POM121: variants seen among roughly 807,000 people sequenced by gnomAD.
POM121 encodes the protein POM121 transmembrane nucleoporin, also known as nuclear envelope pore membrane protein POM 121.
Under a neutral mutation model 81.3 loss-of-function variants are expected in POM121, and 32 were observed. The ratio of observed to expected loss-of-function variants is 0.39; its 90% confidence interval spans 0.30 to 0.53. The LOEUF is 0.53. Among genes scored for constraint, POM121 ranks in the 20% least tolerant of loss-of-function variants. The pLI is 0.66. For missense variants in POM121, 1,138 were observed against 1,614.6 expected (o/e 0.70, Z 5.06); for synonymous variants, 514 against 694.2 (o/e 0.74, Z 4.08).
intron 3 of POM121, among the ~76,000 whole-genome samples, chr7:72,902,559 C>T (rs1184036524): frequency 3.5e-5 from 5 of 140,870 alleles, no homozygotes; most frequent in Non-Finnish European, 7.7e-5. Context: ...GACAGGGTCT[C>T]ACTCTGTCAC....
Position 72,925,196 on chromosome 7 carries a change from C to A in POM121, c.75C>A (p.Gly25=). The A allele has an allele frequency of 6.6e-7, 1 of 1,521,122 alleles. No individual in the cohort carries two copies. Among genetic ancestry groups the A allele is most frequent in the Non-Finnish European group, 8.8e-7 (1 of 1,141,224 alleles). 94.2% of individuals were successfully genotyped at this position (1,521,122 alleles called of 1,614,324 possible). Residue 25 remains glycine (G), a synonymous_variant, in exon 1 of 13, where the codon GGC becomes GGA. Transcript: ENST00000434423. The stretch of plus-strand genomic sequence containing the variant: ...TAGCGAGTGTCAGGGACGGCCGGGG[C>A]CGGGGCTGCGGCGGGCCGGCCAGGG... ...RPIASVRDGR[G]RGCGGPARAV...
intron 3 of POM121, among the ~76,000 whole-genome samples, chr7:72,907,903 C>CTT (rs77470264): frequency 2.0e-5 from 3 of 152,092 alleles, no homozygotes; most frequent in Non-Finnish European, 4.4e-5. Context: ...TCCCATTGTT[C>CTT]TTTTTTTGTG....
intron 3 of POM121, among the ~76,000 whole-genome samples, chr7:72,905,554 A>G (rs151234071): frequency 2.5e-3 from 378 of 152,284 alleles, no homozygotes; most frequent in African/African-American, 8.5e-3. Context: ...AAAAAAATTC[A>G]CCAGGCATGG....
At chr7:72,927,765 A>G (rs1291129859) in intron 3 of POM121, among the ~76,000 whole-genome samples, 4 of 152,186 alleles carry the variant, frequency 2.6e-5, no homozygotes, top group Admixed American at 2.6e-4. Flanking sequence ...GAATAAATAA[A>G]TAGTTTTCTA....
intron 6 of POM121, among the ~76,000 whole-genome samples, 175 bp from the exon 7 acceptor site, chr7:72,939,161 C>T (rs1193427932): frequency 6.6e-6 from 1 of 152,184 alleles, no homozygotes; most frequent in African/African-American, 2.4e-5. Context: ...CTGTGAACAG[C>T]CTCCCTTCAT....
intron 4 of POM121, among the ~76,000 whole-genome samples, chr7:72,916,707 C>A (rs1297066903): frequency 7.2e-5 from 11 of 152,168 alleles, no homozygotes; most frequent in African/African-American, 2.4e-4. Flanking sequence ...TGAAGAAAGT[C>A]AGTGGTAGCT....
chr7:72,926,587 A>T (rs1795471555), intron 2 of POM121, 110 bp downstream of exon 2: 1 of 1,537,942 alleles, frequency 6.5e-7, no homozygotes, highest in Non-Finnish European at 8.8e-7. Flanking sequence ...GAAGCTGCTT[A>T]TTTGATGAGA....
intron 5 of POM121, among the ~76,000 whole-genome samples, chr7:72,931,009 C>G (rs1158375701): frequency 2.0e-5 from 3 of 151,746 alleles, no homozygotes; most frequent in African/African-American, 7.3e-5. Context: ...AGCAGCCAGA[C>G]AAAAAGATGT....
chr7:72,934,558 G>A (rs1796330904), intron 5 of POM121, among the ~76,000 whole-genome samples: 1 of 151,868 alleles, frequency 6.6e-6, no homozygotes. Context: ...CCTAACCTAA[G>A]GTCATGATAA....
Position 72,891,068 on chromosome 7 carries a change from C to T in POM121, c.-258C>T. ...CATTAAGTTGGAGCAGGGAGAGGAG[C>T]TGTGGATAACGGGAGGTGAATTTCC... On this transcript the variant is annotated 5_prime_UTR_variant, in exon 3 of 16. Coordinates refer to the POM121 transcript ENST00000395270. The T allele has an allele frequency of 2.9e-6, 3 of 1,028,938 alleles. No homozygotes were observed. The East Asian group carries it at 7.2e-5, about 25-fold the overall frequency. The allele number at this position is 1,028,938 out of a possible 1,614,324, so 63.7% of individuals were successfully genotyped here.
chr7:72,912,097 T>C (rs1554494350), intron 3 of POM121, among the ~76,000 whole-genome samples: 2 of 152,206 alleles, frequency 1.3e-5, no homozygotes, highest in Non-Finnish European at 2.9e-5. Flanking sequence ...TCTGCTATGT[T>C]GCCCAGGCTA....
chr7:72,937,300 C>T (rs1554499709), intron 5 of POM121, among the ~76,000 whole-genome samples: 1 of 152,082 alleles, frequency 6.6e-6, no homozygotes, highest in African/African-American at 2.4e-5. Flanking sequence ...CTTTGAGAAC[C>T]AGTGAGGTAG....
intron 3 of POM121, among the ~76,000 whole-genome samples, chr7:72,893,543 C>T (rs1350709516): frequency 2.0e-5 from 3 of 152,028 alleles, no homozygotes; most frequent in Non-Finnish European, 2.9e-5. Flanking sequence ...GAGATCACAC[C>T]GCTGCACTCC....
At chr7:72,889,253 T>C (rs1791062482) in intron 1 of POM121, among the ~76,000 whole-genome samples, 2 of 152,256 alleles carry the variant, frequency 1.3e-5, no homozygotes, top group South Asian at 4.1e-4. Flanking sequence ...TGTTCTGCTT[T>C]AGTTTCTCAG....
chr7:72,903,423 C>T (rs1334424323), intron 3 of POM121, among the ~76,000 whole-genome samples: 7 of 152,084 alleles, frequency 4.6e-5, no homozygotes, highest in African/African-American at 1.7e-4. Context: ...GACGACAGAG[C>T]GAAGACTCCG....
chr7:72,890,516 A>G, intron 1 of POM121: 2 of 1,276,122 alleles, frequency 1.6e-6, no homozygotes, highest in African/African-American at 3.0e-5. Flanking sequence ...AATCTGTAAC[A>G]TAAAATAAGG....
chr7:72,890,160 G>A (rs1791158628), intron 1 of POM121, among the ~76,000 whole-genome samples: 1 of 152,030 alleles, frequency 6.6e-6, no homozygotes, highest in Non-Finnish European at 1.5e-5. Context: ...AAAGAACAAG[G>A]AGCTGAAACT....
chr7:72,935,044 A>C lies in POM121; in HGVS notation c.1276-3546A>C, dbSNP rs2530508. Among the ~76,000 whole-genome samples the C allele has an allele frequency of 7.3e-3, 1,048 of 143,724 alleles. 7 individuals carry two copies. The highest frequency in any genetic ancestry group is 0.021 in the African/African-American group (747 of 36,174). 94.3% of individuals were successfully genotyped at this position (143,724 alleles called of 152,430 possible). A position where few individuals can be genotyped will look rare whatever the true frequency, so the allele number is the denominator to read the frequency against. On this transcript the variant is annotated intron_variant, in intron 5 of 12. Transcript: ENST00000434423. ...TTAGATCAACTTGTCAATTTCCACA[A>C]AAAAAAAAAAAAGTTCTGAGATACT... is the stretch of plus-strand genomic sequence containing the variant.
intron 3 of POM121, among the ~76,000 whole-genome samples, chr7:72,903,293 C>T (rs1371051894): frequency 1.3e-5 from 2 of 152,044 alleles, no homozygotes; most frequent in African/African-American, 2.4e-5. Flanking sequence ...AAAACTTAGC[C>T]GGACATGGTG....
Sources: allele counts gnomAD v4.1 joint callset (sites outside exome capture counted in the v4.1 genomes callset), GRCh38; gene constraint gnomAD v4.1.1; transcripts MANE v1.5; gene names NCBI Gene and HGNC (gene_info 2026-07-23, HGNC 2026-07-21).